The following GEMIN8 variants were observed in gnomAD, a reference collection of about 807,000 sequenced individuals.
The protein encoded by GEMIN8 is gem-associated protein 8.
For missense variants in GEMIN8, 185 were observed against 205.9 expected, an observed-to-expected ratio of 0.90 and a Z score of 0.62; for synonymous variants, 80 against 78.5, an observed-to-expected ratio of 1.02 and a Z score of -0.10.
the GEMIN8 span, among the ~76,000 whole-genome samples, chrX:13,996,902 G>A: frequency 1.9e-5 from 2 of 107,385 alleles, no homozygotes; most frequent in Admixed American, 2.0e-4. Flanking sequence ...GAAAGCAGAG[G>A]CTTATAAAAC....
At chrX:13,997,516 T>C in the GEMIN8 span, among the ~76,000 whole-genome samples, 3 of 111,626 alleles carry the variant, frequency 2.7e-5, no homozygotes, top group African/African-American at 9.8e-5. Context: ...CCAACCCACA[T>C]AAAAAATGGT....
chrX:13,993,693 A>G, the GEMIN8 span, among the ~76,000 whole-genome samples: 658 of 110,834 alleles, frequency 5.9e-3, 11 homozygotes, highest in East Asian at 0.099. Context: ...TCAAACTACT[A>G]GGATTACAGG....
At chrX:13,986,049 TCTA>T in the GEMIN8 span, among the ~76,000 whole-genome samples, 2 of 112,253 alleles carry the variant, frequency 1.8e-5, no homozygotes, top group Non-Finnish European at 3.8e-5. Flanking sequence ...TACTGCTATT[TCTA>T]CTGTGCTAAA....
chrX:14,002,097 CAAAAAAAAAA>C (rs59550732), downstream of GEMIN8, among the ~76,000 whole-genome samples: 3 of 23,632 alleles, frequency 1.3e-4, no homozygotes, highest in Non-Finnish European at 2.2e-4. Flanking sequence ...TGCACTCCAG[CAAAAAAAAAA>C]AAAAAAAAAA....
chrX:14,000,042 C>CTGGGATT, the GEMIN8 span, among the ~76,000 whole-genome samples: 1 of 111,189 alleles, frequency 9.0e-6, no homozygotes, highest in Admixed American at 9.6e-5. Flanking sequence ...TGGTGGCTCA[C>CTGGGATT]ACGTGTAATC....
At chrX:14,011,929 C>T (rs1281655886) in intron 4 of GEMIN8, among the ~76,000 whole-genome samples, 1 of 110,781 alleles carries the variant, frequency 9.0e-6, no homozygotes, top group Non-Finnish European at 1.9e-5. Context: ...GTGAATGATA[C>T]ACAATGTTAA....
chrX:14,026,390 A>G, intron 1 of GEMIN8, 169 bp from the exon 2 acceptor site: 2 of 750,847 alleles, frequency 2.7e-6, no homozygotes, highest in Non-Finnish European at 3.1e-6. Flanking sequence ...AAGGAAGGAA[A>G]AAAACAGGGT....
intron 4 of GEMIN8, among the ~76,000 whole-genome samples, chrX:14,012,621 C>T (rs1484773719): frequency 1.8e-5 from 2 of 111,897 alleles, no homozygotes; most frequent in East Asian, 2.8e-4. Context: ...AGCTGTACCC[C>T]CAGACCTGAG....
In GEMIN8 at chrX:14,020,361, T is replaced by C. The variant is rs947384749; in HGVS notation, c.189A>G (p.Gln63=). ...ACGCAGCCTCATTATCGTAAGAGCT[T>C]TGGGGAAGAAGCGCAGAAGGTAAGT... ...PWYLPSALLP[Q]SSYDNEAAYP... Residue 63 remains glutamine, a synonymous_variant, in exon 4 of 5, where the codon CAA becomes CAG. Coordinates refer to ENST00000680255, the MANE Select transcript of GEMIN8 (RefSeq NM_001042479.2). The C allele has an allele frequency of 2.6e-5, 32 of 1,209,160 alleles. No individual in the cohort carries two copies. Among genetic ancestry groups the C allele is most frequent in the South Asian group, 7.0e-5 (4 of 56,812 alleles).
At chrX:14,000,653 G>A in the GEMIN8 span, among the ~76,000 whole-genome samples, 1 of 111,011 alleles carries the variant, frequency 9.0e-6, no homozygotes, top group Non-Finnish European at 1.9e-5. Flanking sequence ...ACATCTTGGA[G>A]GGGCTAGTAT....
chrX:14,002,018 G>A (rs765668651), downstream of GEMIN8, among the ~76,000 whole-genome samples: 9 of 103,282 alleles, frequency 8.7e-5, no homozygotes, highest in Non-Finnish European at 1.6e-4. Flanking sequence ...CTACTCTGGA[G>A]GTTGAGGTGG....
chrX:14,020,223 G>C lies in GEMIN8; in HGVS notation c.327C>G (p.Ser109=). The C allele has an allele frequency of 8.3e-7, 1 of 1,209,831 alleles. No individual in the cohort carries two copies. Among genetic ancestry groups the C allele is most frequent in the Non-Finnish European group, 1.1e-6 (1 of 893,878 alleles). Residue 109 remains serine (S), a synonymous_variant, in exon 4 of 5, where the codon TCC becomes TCG. Coordinates refer to ENST00000680255, the MANE Select transcript of GEMIN8 (RefSeq NM_001042479.2). ...TGGACAAAGCTTGGTCTTCTTTTGT[G>C]GATGCCTGGATCCTACTGCTGTAAC... The part of the protein sequence containing the change: ...HPRYSSRIQA[S]TKEDQALSKE...
At chrX:13,997,744 A>G in the GEMIN8 span, among the ~76,000 whole-genome samples, 1 of 109,846 alleles carries the variant, frequency 9.1e-6, no homozygotes, top group African/African-American at 3.3e-5. Context: ...AAAATACAAA[A>G]ATTATTAGCC....
the GEMIN8 span, among the ~76,000 whole-genome samples, chrX:13,989,525 A>G: frequency 4.4e-5 from 5 of 112,787 alleles, no homozygotes; most frequent in African/African-American, 1.3e-4. Context: ...TTCTGTCTGC[A>G]CTCATTGCTA....
In GEMIN8 at chrX:14,029,813, C is replaced by T; in HGVS notation, c.-152G>A. ...GCAGCTTGCGGATCCTGGGCGTTGG[C>T]CGCGCAGGGGCCTAGTTTTCCTTGG... On this transcript the variant is annotated 5_prime_UTR_variant, in exon 1 of 5. Coordinates refer to ENST00000680255, the MANE Select transcript of GEMIN8 (RefSeq NM_001042479.2). The T allele has an allele frequency of 8.8e-6, 1 of 114,241 alleles. No individual in the cohort carries two copies. The highest frequency in any genetic ancestry group is 1.9e-5 in the Non-Finnish European group (1 of 53,515). The allele number at this position is 114,241 out of a possible 1,213,427, so 9.4% of individuals were successfully genotyped here. A position where few individuals can be genotyped will look rare whatever the true frequency, so the allele number is the denominator to read the frequency against.
chrX:13,993,227 C>A, the GEMIN8 span, among the ~76,000 whole-genome samples: 5 of 111,383 alleles, frequency 4.5e-5, no homozygotes, highest in Non-Finnish European at 9.4e-5. Context: ...AGGGAGGACC[C>A]TTCATGAACT....
chrX:14,019,578 C>T (rs1924160945), intron 4 of GEMIN8, among the ~76,000 whole-genome samples: 1 of 111,804 alleles, frequency 8.9e-6, no homozygotes, highest in Admixed American at 9.5e-5. Context: ...TTTTAGGAAC[C>T]TAGCAGTCTC....
intron 1 of GEMIN8, among the ~76,000 whole-genome samples, chrX:14,028,037 C>T (rs1924782947): frequency 8.9e-6 from 1 of 112,044 alleles, no homozygotes; most frequent in South Asian, 3.7e-4. Context: ...TAGTTAAGAT[C>T]GCTAGTACAT....
the GEMIN8 span, among the ~76,000 whole-genome samples, chrX:13,984,721 T>C: frequency 6.3e-5 from 7 of 110,922 alleles, no homozygotes; most frequent in Non-Finnish European, 1.3e-4. Flanking sequence ...ACTAGGCAAG[T>C]GGGAAGATGA....
Sources: gnomAD v4.1 joint callset for allele counts (sites outside exome capture counted in the v4.1 genomes callset) on GRCh38, gnomAD v4.1.1 for gene constraint, MANE v1.5 for transcripts, NCBI Gene and HGNC (gene_info 2026-07-23, HGNC 2026-07-21) for gene names.